PDZRN4: variants seen among roughly 807,000 people sequenced by gnomAD.
PDZRN4 encodes PDZ domain containing ring finger 4, also known as PDZ domain-containing RING finger protein 4.
In PDZRN4, 70 loss-of-function variants were observed where a neutral mutation model predicts 99.0. The observed-to-expected ratio is 0.71, with a 90% confidence interval of 0.58 to 0.86. PDZRN4 has a LOEUF of 0.86. PDZRN4 is among the 40% of genes least tolerant of loss of function. PDZRN4 has a pLI of 0.00. For missense variants in PDZRN4, 1,474 were observed against 1,331.2 expected, an observed-to-expected ratio of 1.11 and a Z score of -1.67; for synonymous variants, 551 against 501.6, an observed-to-expected ratio of 1.10 and a Z score of -1.32.
chr12:41,479,230 A>G (rs951571187), intron 3 of PDZRN4, among the ~76,000 whole-genome samples: 1 of 152,192 alleles, frequency 6.6e-6, no homozygotes, highest in African/African-American at 2.4e-5. Context: ...ATTGATAGAA[A>G]GAAAAGCTGA....
At chr12:41,430,912 G>A (rs760908232) in intron 3 of PDZRN4, among the ~76,000 whole-genome samples, 66 of 152,292 alleles carry the variant, frequency 4.3e-4, no homozygotes, top group Middle Eastern at 3.4e-3. Flanking sequence ...ATGACTGAAA[G>A]CAAAGGGGGA....
intron 5 of PDZRN4, among the ~76,000 whole-genome samples, chr12:41,540,135 T>C (rs1484573248): frequency 1.3e-5 from 2 of 152,192 alleles, no homozygotes; most frequent in Admixed American, 6.5e-5. Context: ...ACCTACCAAA[T>C]TGGAAATCAT....
chr12:41,412,661 G>A (rs75459837), intron 3 of PDZRN4: 1 of 152,114 alleles, frequency 6.6e-6, no homozygotes, highest in East Asian at 1.9e-4. Flanking sequence ...ACATGATGTG[G>A]CTATGAATCA....
At chr12:41,497,757 G>C (rs1938035085) in intron 3 of PDZRN4, among the ~76,000 whole-genome samples, 1 of 152,056 alleles carries the variant, frequency 6.6e-6, no homozygotes, top group African/African-American at 2.4e-5. Context: ...ACAAATCTGT[G>C]TTTTTTGCTT....
intron 3 of PDZRN4, among the ~76,000 whole-genome samples, chr12:41,363,542 C>T (rs1951977155): frequency 6.6e-6 from 1 of 151,942 alleles, no homozygotes; most frequent in Non-Finnish European, 1.5e-5. Context: ...GCATCTGTTC[C>T]AGATGCATCT....
At chr12:41,369,416 T>G (rs1045027331) in intron 3 of PDZRN4, among the ~76,000 whole-genome samples, 3 of 152,082 alleles carry the variant, frequency 2.0e-5, no homozygotes, top group Non-Finnish European at 4.4e-5. Context: ...GTACTGTTCA[T>G]TTCATTTATA....
At chr12:41,194,991 A>G (rs1591962909) in intron 3 of PDZRN4, among the ~76,000 whole-genome samples, 1 of 152,138 alleles carries the variant, frequency 6.6e-6, no homozygotes, top group Non-Finnish European at 1.5e-5. Context: ...ATTATCTTTT[A>G]TATGAAAGAA....
At chr12:41,218,191 CT>C (rs1427296059) in intron 3 of PDZRN4, among the ~76,000 whole-genome samples, 2 of 152,118 alleles carry the variant, frequency 1.3e-5, no homozygotes, top group African/African-American at 4.8e-5. Context: ...GTAAAAGCCT[CT>C]TTTCCTTTTG....
chr12:41,573,647 G>C lies in PDZRN4; in HGVS notation c.2868G>C (p.Gln956His), dbSNP rs779742601. The change falls in exon 10 of 10, where the codon CAG becomes CAC. Residue 956 changes from glutamine (Q) to histidine (H), a missense_variant. Transcript: ENST00000402685. ...RKQHLVRAKEQRRRREFMMRS... is the reference protein window; with the variant it reads ...RKQHLVRAKEHRRRREFMMRS... Reference sequence around the variant, plus strand: ...AGCACCTGGTTAGGGCCAAAGAGCAGCGCCGTCGCCGTGAGTTCATGATGC... The same window carrying C: ...AGCACCTGGTTAGGGCCAAAGAGCACCGCCGTCGCCGTGAGTTCATGATGC... 6.2e-7 allele frequency: 1 copy of C among 1,614,084 alleles called. No homozygotes were observed. The highest frequency in any genetic ancestry group is 1.1e-5 in the South Asian group (1 of 91,076).
At chr12:41,498,085 CCAAATTT>C (rs1253490447) in intron 3 of PDZRN4, among the ~76,000 whole-genome samples, 1 of 151,826 alleles carries the variant, frequency 6.6e-6, no homozygotes. Context: ...CCTAGGCTCC[CCAAATTT>C]TAAGATTAAT....
chr12:41,427,045 C>T (rs1952542649), intron 3 of PDZRN4, among the ~76,000 whole-genome samples: 1 of 152,172 alleles, frequency 6.6e-6, no homozygotes, highest in Non-Finnish European at 1.5e-5. Context: ...AGGAAGTTCT[C>T]AGCAAACATT....
intron 5 of PDZRN4, among the ~76,000 whole-genome samples, chr12:41,515,438 A>G (rs1938384896): frequency 6.6e-6 from 1 of 152,006 alleles, no homozygotes; most frequent in Non-Finnish European, 1.5e-5. Flanking sequence ...TAATCCATTA[A>G]AAAAATCACC....
intron 5 of PDZRN4, among the ~76,000 whole-genome samples, chr12:41,549,074 C>T (rs191085343): frequency 6.6e-6 from 1 of 152,284 alleles, no homozygotes; most frequent in East Asian, 1.9e-4. Context: ...GTGATTCTTT[C>T]ACTCTAGTGA....
intron 3 of PDZRN4, among the ~76,000 whole-genome samples, chr12:41,218,993 T>C (rs1950937901): frequency 6.6e-6 from 1 of 152,092 alleles, no homozygotes; most frequent in Non-Finnish European, 1.5e-5. Flanking sequence ...AAAATATTCC[T>C]AGATCTAGGA....
intron 3 of PDZRN4, among the ~76,000 whole-genome samples, chr12:41,371,820 C>T (rs1459438287): frequency 6.6e-6 from 1 of 152,030 alleles, no homozygotes; most frequent in Non-Finnish European, 1.5e-5. Flanking sequence ...TCTAGGAGAC[C>T]TCCTTTGTTT....
At chr12:41,358,002 T>A (rs188529420) in intron 3 of PDZRN4, among the ~76,000 whole-genome samples, 32 of 152,120 alleles carry the variant, frequency 2.1e-4, no homozygotes, top group African/African-American at 7.7e-4. Flanking sequence ...TTGGCTGATA[T>A]TGTTACTCTG....
chr12:41,524,205 A>T (rs1938534211), intron 5 of PDZRN4, among the ~76,000 whole-genome samples: 1 of 152,202 alleles, frequency 6.6e-6, no homozygotes, highest in Non-Finnish European at 1.5e-5. Context: ...AATAAATTAA[A>T]GCAGACACAG....
chr12:41,509,047 A>G (rs1592090379), intron 4 of PDZRN4, among the ~76,000 whole-genome samples: 1 of 152,122 alleles, frequency 6.6e-6, no homozygotes, highest in Non-Finnish European at 1.5e-5. Flanking sequence ...AACATACTAA[A>G]TCGAATAACA....
In PDZRN4 at chr12:41,547,069, G is replaced by A. The variant is rs187803001; in HGVS notation, c.1204-5587G>A. Reference sequence around the variant, plus strand: ...TCAACATTCAACTATGAAAAACCTTGGATTCTGGATTCTTCCAAAGGTAAA... The same window carrying A: ...TCAACATTCAACTATGAAAAACCTTAGATTCTGGATTCTTCCAAAGGTAAA... On this transcript the variant is annotated intron_variant, in intron 5 of 9. Transcript: ENST00000402685. Among the ~76,000 whole-genome samples the A allele has an allele frequency of 2.6e-3, 396 of 152,204 alleles. 4 individuals carry two copies. The highest frequency in any genetic ancestry group is 2.3e-3 in the Non-Finnish European group (157 of 68,014).
Sources: gnomAD v4.1 joint callset for allele counts (sites outside exome capture counted in the v4.1 genomes callset) on GRCh38, gnomAD v4.1.1 for gene constraint, MANE v1.5 for transcripts, NCBI Gene and HGNC (gene_info 2026-07-23, HGNC 2026-07-21) for gene names.